Variants in NRG3 observed in about 807,000 individuals in gnomAD.
NRG3 encodes pro-neuregulin-3, membrane-bound isoform.
NRG3 carries 31 observed loss-of-function variants against 66.9 expected under a neutral mutation model. The observed-to-expected ratio is 0.46, with a 90% confidence interval of 0.35 to 0.63. NRG3 has a LOEUF of 0.63. Ranked by LOEUF, NRG3 falls within the 20% of genes least tolerant of loss-of-function variation. The pLI is 0.00. For synonymous variants in NRG3, 393 were observed against 359.4 expected (o/e 1.09, Z -1.06); for missense variants, 910 against 878.9 (o/e 1.04, Z -0.45).
intron 1 of NRG3, among the ~76,000 whole-genome samples, chr10:81,981,837 G>T (rs2060343213): frequency 6.6e-6 from 1 of 152,044 alleles, no homozygotes; most frequent in African/African-American, 2.4e-5. Context: ...TTTATTTGGG[G>T]CTATGTCTGT....
intron 3 of NRG3, among the ~76,000 whole-genome samples, chr10:82,807,969 A>T (rs970432744): frequency 1.3e-5 from 2 of 152,162 alleles, no homozygotes; most frequent in African/African-American, 4.8e-5. Flanking sequence ...TCTCACAGAC[A>T]ATTTCTTTCC....
chr10:82,259,961 CAAAT>C (rs995735282), intron 1 of NRG3, among the ~76,000 whole-genome samples: 7 of 151,590 alleles, frequency 4.6e-5, no homozygotes, highest in Non-Finnish European at 7.4e-5. Flanking sequence ...AACTGATAAA[CAAAT>C]AAATAAATAG....
chr10:82,667,612 C>A (rs2052906046), intron 2 of NRG3, among the ~76,000 whole-genome samples: 1 of 152,072 alleles, frequency 6.6e-6, no homozygotes, highest in African/African-American at 2.4e-5. Flanking sequence ...GAGAGGAAGA[C>A]TTGAGAGGAG....
intron 2 of NRG3, among the ~76,000 whole-genome samples, chr10:82,481,661 A>G (rs1162680167): frequency 6.6e-6 from 1 of 152,176 alleles, no homozygotes; most frequent in Non-Finnish European, 1.5e-5. Context: ...ATATTACTGT[A>G]TGTAGTTGAA....
chr10:82,438,537 A>G (rs1310547424), intron 2 of NRG3, among the ~76,000 whole-genome samples: 2 of 152,242 alleles, frequency 1.3e-5, no homozygotes, highest in Non-Finnish European at 2.9e-5. Context: ...CCACTTAGAC[A>G]ACAGGCAGCT....
chr10:82,589,102 C>G (rs1204810104), intron 2 of NRG3, among the ~76,000 whole-genome samples: 1 of 152,146 alleles, frequency 6.6e-6, no homozygotes, highest in Non-Finnish European at 1.5e-5. Context: ...AGCACCCAGA[C>G]TCTCTGTCAG....
At chr10:82,929,317 G>T (rs1564638863) in intron 4 of NRG3, among the ~76,000 whole-genome samples, 1 of 152,058 alleles carries the variant, frequency 6.6e-6, no homozygotes, top group African/African-American at 2.4e-5. Context: ...GTTGTGCTTT[G>T]AGCCACTCTA....
intron 1 of NRG3, among the ~76,000 whole-genome samples, chr10:82,200,603 T>C (rs566419052): frequency 1.3e-5 from 2 of 152,228 alleles, no homozygotes; most frequent in Admixed American, 1.3e-4. Context: ...GGGTTCTAAC[T>C]CTATCTTTAC....
intron 2 of NRG3, among the ~76,000 whole-genome samples, chr10:82,720,494 T>C (rs1591303363): frequency 6.6e-6 from 1 of 152,228 alleles, no homozygotes; most frequent in East Asian, 1.9e-4. Flanking sequence ...TAAGTCTCCA[T>C]TGTTGGTTTA....
chr10:82,360,162 C>A (rs2084036590), intron 2 of NRG3, among the ~76,000 whole-genome samples: 1 of 152,176 alleles, frequency 6.6e-6, no homozygotes, highest in Non-Finnish European at 1.5e-5. Context: ...GCTCTGCAAA[C>A]CTGGGTTGGG....
chr10:82,341,891 A>G (rs532432549), intron 1 of NRG3, among the ~76,000 whole-genome samples: 1 of 152,016 alleles, frequency 6.6e-6, no homozygotes, highest in East Asian at 1.9e-4. Context: ...TTTCTGAGTT[A>G]TTTTACTTAG....
rs139522570 is a variant in NRG3 at position 82,713,012 on chromosome 10, C to T, written c.954-25565C>T. ...GCAGATGCCTATAATCCTAGCTACT[C>T]GGGAGGCTGAGGCAGGAGAATCACT... On this transcript the variant is annotated intron_variant, in intron 2 of 8. Transcript: ENST00000372141. Among the ~76,000 whole-genome samples, 825 of 140,526 alleles carry T rather than the reference C, an allele frequency of 5.9e-3. 9 individuals carry two copies. Among genetic ancestry groups the T allele is most frequent in the African/African-American group, 0.021 (786 of 38,310 alleles). The allele number at this position is 140,526 out of a possible 152,430, so 92.2% of individuals were successfully genotyped here.
At chr10:82,956,035 C>T (rs189812486) in intron 5 of NRG3, among the ~76,000 whole-genome samples, 9 of 152,010 alleles carry the variant, frequency 5.9e-5, no homozygotes, top group Admixed American at 5.2e-4. Context: ...TCCATTTCTT[C>T]CCTTTGCTTC....
intron 3 of NRG3, among the ~76,000 whole-genome samples, chr10:82,791,580 TGA>T (rs2060589267): frequency 6.6e-6 from 1 of 152,160 alleles, no homozygotes; most frequent in East Asian, 1.9e-4. Flanking sequence ...CAGACAGAGG[TGA>T]GAGAGTAGGG....
chr10:82,880,453 T>C (rs1842209419), intron 4 of NRG3, among the ~76,000 whole-genome samples: 1 of 152,118 alleles, frequency 6.6e-6, no homozygotes, highest in Non-Finnish European at 1.5e-5. Context: ...TGTGAAGAAA[T>C]AAGGCTGATG....
chr10:82,396,944 T>C (rs1158562455), intron 2 of NRG3, among the ~76,000 whole-genome samples: 2 of 152,210 alleles, frequency 1.3e-5, no homozygotes, highest in African/African-American at 4.8e-5. Flanking sequence ...ATCAACCCTT[T>C]AGAATCTGTA....
chr10:82,249,548 A>C (rs1201107233), intron 1 of NRG3, among the ~76,000 whole-genome samples: 2 of 152,324 alleles, frequency 1.3e-5, no homozygotes, highest in East Asian at 3.9e-4. Context: ...ATAAATAGTA[A>C]ACATTTGCTG....
intron 1 of NRG3, among the ~76,000 whole-genome samples, chr10:82,140,452 G>A (rs1241137962): frequency 6.6e-6 from 1 of 152,162 alleles, no homozygotes. Context: ...TAAACAAATT[G>A]TCTTTAAAGT....
At chr10:82,200,024 T>C (rs2074705801) in intron 1 of NRG3, among the ~76,000 whole-genome samples, 1 of 152,012 alleles carries the variant, frequency 6.6e-6, no homozygotes, top group African/African-American at 2.4e-5. Context: ...CCGAAAAATG[T>C]ACATAATTAC....
Sources: allele counts gnomAD v4.1 joint callset (sites outside exome capture counted in the v4.1 genomes callset), GRCh38; gene constraint gnomAD v4.1.1; transcripts MANE v1.5; gene names NCBI Gene and HGNC (gene_info 2026-07-23, HGNC 2026-07-21).